ETV6: variants seen among roughly 807,000 people sequenced by gnomAD.
The protein encoded by ETV6 is ETS variant transcription factor 6, also known as transcription factor ETV6.
In ETV6, 16 loss-of-function variants were observed where a neutral mutation model predicts 51.1. The ratio of observed to expected loss-of-function variants is 0.31; its 90% CI spans 0.21 to 0.48. The LOEUF (loss-of-function observed/expected upper bound fraction) is 0.48, where lower values mean the gene tolerates loss of function less well. Ranked by LOEUF, ETV6 falls within the 20% of genes least tolerant of loss-of-function variation. The pLI is 0.99. For missense variants in ETV6, 458 were observed against 594.8 expected (o/e 0.77, Z 2.39); for synonymous variants, 240 against 224.1 (o/e 1.07, Z -0.64).
intron 4 of ETV6, 127 bp downstream of exon 4, chr12:11,853,688 CT>C: frequency 9.4e-7 from 1 of 1,061,628 alleles, no homozygotes; most frequent in Non-Finnish European, 1.4e-6. Flanking sequence ...TTATTGAGTG[CT>C]TACTATGTAC....
intron 1 of ETV6, among the ~76,000 whole-genome samples, chr12:11,748,604 C>A (rs1865950094): frequency 1.3e-5 from 2 of 152,058 alleles, no homozygotes; most frequent in South Asian, 4.2e-4. Flanking sequence ...GAGGAAAGAC[C>A]TTTTGGTAAT....
At chr12:11,674,585 A>G (rs1325926585) in intron 1 of ETV6, among the ~76,000 whole-genome samples, 2 of 150,020 alleles carry the variant, frequency 1.3e-5, no homozygotes, top group Non-Finnish European at 3.0e-5. Context: ...GCTGTAGCTC[A>G]AGGCCCATAG....
intron 1 of ETV6, among the ~76,000 whole-genome samples, chr12:11,718,079 G>T (rs1865312419): frequency 2.0e-5 from 3 of 151,788 alleles, no homozygotes; most frequent in African/African-American, 7.3e-5. Context: ...TAGAAATAAG[G>T]CCCATAATAA....
intron 1 of ETV6, among the ~76,000 whole-genome samples, chr12:11,663,329 A>G (rs540873251): frequency 7.5e-4 from 114 of 152,312 alleles, no homozygotes; most frequent in African/African-American, 2.6e-3. Flanking sequence ...AGCTGACACA[A>G]TGCCTTTATG....
intron 2 of ETV6, among the ~76,000 whole-genome samples, chr12:11,829,508 G>C (rs956038678): frequency 6.6e-6 from 1 of 152,262 alleles, no homozygotes; most frequent in African/African-American, 2.4e-5. Flanking sequence ...AATGCTACAT[G>C]GCTCTCACCA....
intron 1 of ETV6, among the ~76,000 whole-genome samples, chr12:11,747,485 CTG>C (rs1865929274): frequency 6.6e-6 from 1 of 152,136 alleles, no homozygotes; most frequent in African/African-American, 2.4e-5. Context: ...ATTTGAGTCT[CTG>C]TGGTGTTCTT....
chr12:11,760,592 A>C (rs766053894), intron 2 of ETV6, among the ~76,000 whole-genome samples: 1 of 152,198 alleles, frequency 6.6e-6, no homozygotes, highest in African/African-American at 2.4e-5. Flanking sequence ...GTTGAATAGC[A>C]CCATTTAAAA....
chr12:11,658,108 T>C (rs948960173), intron 1 of ETV6, among the ~76,000 whole-genome samples: 16 of 152,208 alleles, frequency 1.1e-4, no homozygotes, highest in African/African-American at 2.9e-4. Flanking sequence ...TGCTTTATAC[T>C]GTTAAAAAGT....
At chr12:11,816,013 A>G (rs975916215) in intron 2 of ETV6, among the ~76,000 whole-genome samples, 56 of 152,104 alleles carry the variant, frequency 3.7e-4, no homozygotes, top group African/African-American at 1.3e-3. Context: ...ATATCCGTAT[A>G]TTTTGAAGTG....
At chr12:11,719,031 A>G (rs912775304) in intron 1 of ETV6, among the ~76,000 whole-genome samples, 2 of 152,216 alleles carry the variant, frequency 1.3e-5, no homozygotes, top group Non-Finnish European at 2.9e-5. Flanking sequence ...TGTTAGGGTA[A>G]TCAGTGTGAT....
chr12:11,674,552 T>C (rs778384519), intron 1 of ETV6, among the ~76,000 whole-genome samples: 1 of 151,938 alleles, frequency 6.6e-6, no homozygotes, highest in African/African-American at 2.4e-5. Context: ...TTTGGCACCT[T>C]CTGTGGCGCT....
intron 2 of ETV6, among the ~76,000 whole-genome samples, chr12:11,791,855 G>A (rs1041007070): frequency 1.8e-4 from 27 of 152,032 alleles, no homozygotes; most frequent in Admixed American, 1.6e-3. Context: ...TTCACCTGGT[G>A]GTCGTTTAAA....
In ETV6 at chr12:11,828,781, C is replaced by T. The variant is rs1226441878; in HGVS notation, c.164-10359C>T. 3.3e-5 allele frequency among the ~76,000 whole-genome samples: 5 copies of T among 152,100 alleles called. No individual in the cohort carries two copies. In the South Asian group the frequency reaches 8.3e-4, roughly 25 times the overall value. On this transcript the variant is annotated intron_variant, in intron 2 of 7. Transcript: ENST00000396373. ...CTTCCCCACTCCCTTTTTGCTGTCC[C>T]CTCCCCATTATCTTTTTTCTTTTTG...
chr12:11,744,843 G>A lies in ETV6; in HGVS notation c.34-7607G>A, dbSNP rs74625986. On this transcript the variant is annotated intron_variant, in intron 1 of 7. Transcript: ENST00000396373. ...ACCTCCCTGGTAACCACAGCCTGAC[G>A]TGACAAGGAATCACAGTTTTACTTT... Among the ~76,000 whole-genome samples the A allele has an allele frequency of 8.0e-3, 1,207 of 151,762 alleles. 13 individuals are homozygous for A. The highest frequency in any genetic ancestry group is 0.027 in the African/African-American group (1,128 of 41,320).
At chr12:11,691,066 T>G (rs1864752071) in intron 1 of ETV6, among the ~76,000 whole-genome samples, 1 of 149,820 alleles carries the variant, frequency 6.7e-6, no homozygotes, top group African/African-American at 2.5e-5. Flanking sequence ...GGTCAAATTC[T>G]GGTAAGGGCC....
At chr12:11,751,448 A>G (rs548436745) in intron 1 of ETV6, 1 of 519,002 alleles carries the variant, frequency 1.9e-6, no homozygotes, top group Non-Finnish European at 3.8e-6. Flanking sequence ...ACACTCCTGA[A>G]GTCATGTTTA....
At chr12:11,818,531 CAAAAA>C (rs1221844259) in intron 2 of ETV6, among the ~76,000 whole-genome samples, 1 of 80,212 alleles carries the variant, frequency 1.2e-5, no homozygotes, top group African/African-American at 5.2e-5. Context: ...GACTCTGTCT[CAAAAA>C]AAAAAAAAAA....
At chr12:11,768,426 C>T (rs1461845196) in intron 2 of ETV6, among the ~76,000 whole-genome samples, 1 of 152,138 alleles carries the variant, frequency 6.6e-6, no homozygotes, top group Non-Finnish European at 1.5e-5. Flanking sequence ...GAAACTAGGG[C>T]TTAGAGATGG....
chr12:11,716,400 T>G (rs1169088988), intron 1 of ETV6, among the ~76,000 whole-genome samples: 2 of 144,658 alleles, frequency 1.4e-5, no homozygotes, highest in Non-Finnish European at 3.0e-5. Context: ...AGGGCTGTGA[T>G]CTGGTGAATT....
Sources: gnomAD v4.1 joint callset for allele counts (sites outside exome capture counted in the v4.1 genomes callset) on GRCh38, gnomAD v4.1.1 for gene constraint, MANE v1.5 for transcripts, NCBI Gene and HGNC (gene_info 2026-07-23, HGNC 2026-07-21) for gene names.